GLRA3: variants seen among roughly 807,000 people sequenced by gnomAD.
GLRA3 encodes glycine receptor subunit alpha-3.
Under a neutral mutation model 60.4 loss-of-function variants are expected in GLRA3, and 44 were observed. The ratio of observed to expected loss-of-function variants is 0.73; its 90% confidence interval spans 0.57 to 0.94. The LOEUF is 0.94. GLRA3 is among the 40% of genes least tolerant of loss of function. The pLI is 0.00. For synonymous variants in GLRA3, 223 were observed against 192.9 expected (o/e 1.16, Z -1.29); for missense variants, 508 against 564.6 (o/e 0.90, Z 1.02).
In GLRA3 at chr4:174,679,940, G is replaced by A. The variant is rs1262719192; in HGVS notation, c.713-2648C>T. On this transcript the variant is annotated intron_variant, in intron 6 of 9. Transcript: ENST00000274093. ...AAATTCTAGTGTTCAATAGCATAATGGGGACAATTACAGTTAACAATACTT... is the reference window on the plus strand; with the variant it reads ...AAATTCTAGTGTTCAATAGCATAATAGGGACAATTACAGTTAACAATACTT... Among the ~76,000 whole-genome samples, 4 of 152,094 alleles carry A rather than the reference G, an allele frequency of 2.6e-5. No individual in the cohort carries two copies. The South Asian group carries it at 8.3e-4, about 32-fold the overall frequency.
intron 5 of GLRA3, chr4:174,713,707 T>A (rs2111089478): frequency 6.6e-6 from 1 of 152,348 alleles, no homozygotes; most frequent in African/African-American, 2.4e-5. Flanking sequence ...TGTCTGGAAT[T>A]TTTTCCAACA....
At chr4:174,793,951 T>C (rs1561123448) in intron 1 of GLRA3, among the ~76,000 whole-genome samples, 1 of 152,072 alleles carries the variant, frequency 6.6e-6, no homozygotes, top group Non-Finnish European at 1.5e-5. Flanking sequence ...ATTTTCACTA[T>C]CTACCAACAA....
intron 7 of GLRA3, among the ~76,000 whole-genome samples, chr4:174,668,878 A>G (rs1387467477): frequency 6.6e-6 from 1 of 152,126 alleles, no homozygotes. Flanking sequence ...ATGAGCTAAA[A>G]TAGCCCTTTG....
At chr4:174,683,706 C>A (rs561802569) in intron 5 of GLRA3, among the ~76,000 whole-genome samples, 15 of 152,236 alleles carry the variant, frequency 9.9e-5, no homozygotes, top group African/African-American at 3.1e-4. Flanking sequence ...TAATTATATA[C>A]AGATTGCTCA....
chr4:174,665,151 T>C (rs1733611413), intron 7 of GLRA3, among the ~76,000 whole-genome samples: 1 of 152,258 alleles, frequency 6.6e-6, no homozygotes, highest in Non-Finnish European at 1.5e-5. Context: ...TTGCTTATTA[T>C]GTAGTAGCTA....
At chr4:174,780,568 C>T (rs1159052918) in intron 2 of GLRA3, among the ~76,000 whole-genome samples, 1 of 147,112 alleles carries the variant, frequency 6.8e-6, no homozygotes, top group African/African-American at 2.5e-5. Context: ...TCAGGAAACC[C>T]ATCTCACATG....
At chr4:174,706,462 A>G (rs1477572155) in intron 5 of GLRA3, among the ~76,000 whole-genome samples, 1 of 152,236 alleles carries the variant, frequency 6.6e-6, no homozygotes, top group Non-Finnish European at 1.5e-5. Flanking sequence ...CTGAAAAAGT[A>G]TACAAAAGTG....
chr4:174,756,232 A>G (rs1737690681), intron 3 of GLRA3, among the ~76,000 whole-genome samples: 1 of 152,186 alleles, frequency 6.6e-6, no homozygotes, highest in African/African-American at 2.4e-5. Flanking sequence ...TAGAAGAAAA[A>G]GGAACACTTT....
intron 7 of GLRA3, among the ~76,000 whole-genome samples, chr4:174,673,176 G>T (rs964150784): frequency 6.6e-6 from 1 of 152,006 alleles, no homozygotes; most frequent in Non-Finnish European, 1.5e-5. Context: ...AAAGGGTAAG[G>T]TGTATATAAT....
intron 7 of GLRA3, among the ~76,000 whole-genome samples, chr4:174,668,435 G>A (rs1733763976): frequency 1.3e-5 from 2 of 152,150 alleles, no homozygotes; most frequent in Non-Finnish European, 2.9e-5. Flanking sequence ...AACTACGGCA[G>A]TATATGCTAT....
At chr4:174,780,769 C>T (rs1449769252) in intron 2 of GLRA3, among the ~76,000 whole-genome samples, 3 of 151,868 alleles carry the variant, frequency 2.0e-5, no homozygotes, top group African/African-American at 7.3e-5. Flanking sequence ...GCTAACTATC[C>T]TAAATATATA....
At chr4:174,789,390 A>T (rs1437593231) in intron 1 of GLRA3, among the ~76,000 whole-genome samples, 1 of 151,904 alleles carries the variant, frequency 6.6e-6, no homozygotes, top group Non-Finnish European at 1.5e-5. Flanking sequence ...GCAGTAAAAA[A>T]CTTCTGTCTA....
At chr4:174,814,748 A>G (rs1740416013) in intron 1 of GLRA3, among the ~76,000 whole-genome samples, 1 of 152,142 alleles carries the variant, frequency 6.6e-6, no homozygotes, top group Non-Finnish European at 1.5e-5. Context: ...CAAGAACAGC[A>G]TGGGAAAGAC....
intron 5 of GLRA3, among the ~76,000 whole-genome samples, chr4:174,702,334 AC>A (rs1368048389): frequency 1.3e-5 from 2 of 152,212 alleles, no homozygotes; most frequent in African/African-American, 4.8e-5. Flanking sequence ...TTATTTTTAG[AC>A]ATAAAATGCT....
intron 5 of GLRA3, among the ~76,000 whole-genome samples, chr4:174,694,444 G>C (rs1158107261): frequency 6.6e-6 from 1 of 152,076 alleles, no homozygotes; most frequent in Non-Finnish European, 1.5e-5. Context: ...TTACTCAAAA[G>C]CATGCAAACA....
At chr4:174,726,860 G>A (rs1296210961) in intron 4 of GLRA3, among the ~76,000 whole-genome samples, 2 of 151,966 alleles carry the variant, frequency 1.3e-5, no homozygotes, top group Admixed American at 1.3e-4. Context: ...GTTGGGGGAG[G>A]GGTGGACTTT....
intron 6 of GLRA3, 152 bp from the exon 7 acceptor site, chr4:174,677,444 G>C (rs1177323829): frequency 1.4e-5 from 8 of 570,130 alleles, no homozygotes; most frequent in Admixed American, 2.9e-5. Flanking sequence ...ACTGTAGCCT[G>C]CGCCTCCTGG....
In GLRA3 at chr4:174,726,692, G is replaced by A. The variant is rs77152255; in HGVS notation, c.491+1783C>T. On this transcript the variant is annotated intron_variant, in intron 4 of 9. Transcript: ENST00000274093. Reference sequence around the variant, plus strand: ...GTTCCAAGGTACACAGCCAGCCTGTGCTTATATCCACCACTGGGCATCTCC... The same window carrying A: ...GTTCCAAGGTACACAGCCAGCCTGTACTTATATCCACCACTGGGCATCTCC... Among the ~76,000 whole-genome samples, 63 of 152,246 alleles carry A rather than the reference G, an allele frequency of 4.1e-4. 1 individual carries two copies. In the East Asian group the frequency reaches 0.012, roughly 28 times the overall value.
At chr4:174,762,750 C>G (rs115285436) in intron 3 of GLRA3, among the ~76,000 whole-genome samples, 4 of 151,952 alleles carry the variant, frequency 2.6e-5, no homozygotes, top group Non-Finnish European at 4.4e-5. Context: ...GATATAACAG[C>G]CATTCATAAC....
Sources: gnomAD v4.1 joint callset for allele counts (sites outside exome capture counted in the v4.1 genomes callset) on GRCh38, gnomAD v4.1.1 for gene constraint, MANE v1.5 for transcripts, NCBI Gene and HGNC (gene_info 2026-07-23, HGNC 2026-07-21) for gene names.